The following CHRM3 variants were observed in gnomAD, a reference collection of about 807,000 sequenced individuals.
CHRM3 encodes the protein cholinergic receptor muscarinic 3, also known as muscarinic acetylcholine receptor M3.
In CHRM3, 11 loss-of-function variants were observed where a neutral mutation model predicts 41.8. That is an observed-to-expected ratio of 0.26 (90% CI 0.17 to 0.44). The LOEUF is 0.44. CHRM3 is among the 20% of genes least tolerant of loss of function. The probability of loss-of-function intolerance (pLI) is 1.00; values close to 1 mark genes in which losing one functional copy is unlikely to be tolerated. For missense variants in CHRM3, 571 were observed against 745.4 expected, an observed-to-expected ratio of 0.77 and a Z score of 2.72; for synonymous variants, 297 against 301.4, an observed-to-expected ratio of 0.99 and a Z score of 0.15.
At chr1:239,727,928 C>T (rs980829682) in intron 5 of CHRM3, 14 of 151,842 alleles carry the variant, frequency 9.2e-5, no homozygotes, top group African/African-American at 2.7e-4. Context: ...TGAGCTTTTC[C>T]AAGATTACAC....
chr1:239,788,044 G>T (rs2148842205), intron 5 of CHRM3, among the ~76,000 whole-genome samples: 1 of 152,150 alleles, frequency 6.6e-6, no homozygotes, highest in Non-Finnish European at 1.5e-5. Flanking sequence ...AGACTAGCCT[G>T]GGCAACATAA....
chr1:239,390,078 T>C (rs370335506), intron 1 of CHRM3, among the ~76,000 whole-genome samples: 12 of 152,340 alleles, frequency 7.9e-5, no homozygotes, highest in Admixed American at 5.9e-4. Context: ...AGTGAGTAAC[T>C]AGAGATGTTG....
intron 1 of CHRM3, among the ~76,000 whole-genome samples, chr1:239,426,470 A>C (rs1368180742): frequency 1.6e-5 from 1 of 60,776 alleles, no homozygotes; most frequent in South Asian, 6.5e-4. Context: ...TCACCCCGCA[A>C]AAAAAAAAAA....
chr1:239,509,149 T>C (rs968365847), intron 2 of CHRM3, among the ~76,000 whole-genome samples: 1 of 152,216 alleles, frequency 6.6e-6, no homozygotes, highest in Non-Finnish European at 1.5e-5. Context: ...GCTAGTATTT[T>C]ACTTTCTTGA....
At position 239,913,874 on chromosome 1, in the gene CHRM3, A is replaced by C. The variant is rs1309859163; in HGVS notation, c.*4650A>C. ...GTATTTGGATATATGGAAGTCATCC[A>C]AATGCGTTGCTAGAATATCAGGCCT... On this transcript the variant is annotated 3_prime_UTR_variant, in exon 7 of 7. Transcript: ENST00000676153. 1 of 167,092 alleles carries C rather than the reference A, an allele frequency of 6.0e-6. No homozygotes were observed. Among genetic ancestry groups the C allele is most frequent in the Non-Finnish European group, 1.5e-5 (1 of 68,120 alleles). 10.4% of individuals were successfully genotyped at this position (167,092 alleles called of 1,614,324 possible). A position where few individuals can be genotyped will look rare whatever the true frequency, so the allele number is the denominator to read the frequency against.
chr1:239,744,586 C>A (rs546520580), intron 5 of CHRM3, among the ~76,000 whole-genome samples: 1 of 152,078 alleles, frequency 6.6e-6, no homozygotes, highest in Non-Finnish European at 1.5e-5. Context: ...TCAGGTCAGC[C>A]GGGCAGGGCA....
chr1:239,907,360 C>A lies in CHRM3; in HGVS notation c.-19-73C>A, dbSNP rs559507342. On this transcript the variant is annotated intron_variant, in intron 6 of 6. Coordinates refer to ENST00000676153, the MANE Select transcript of CHRM3 (RefSeq NM_001375978.1). This position sits in a 1 kb window ranked among gnomAD's most constrained non-coding sequence, Gnocchi z 5.4. Reference sequence around the variant, plus strand: ...GTAATAGGCCTTCCATGTCTTTTAACGTATGTAATGCAAAGAACAAACAAA... The same window carrying A: ...GTAATAGGCCTTCCATGTCTTTTAAAGTATGTAATGCAAAGAACAAACAAA... 2.6e-6 allele frequency: 3 copies of A among 1,146,320 alleles called. No individual in the cohort carries two copies. Among genetic ancestry groups the A allele is most frequent in the African/African-American group, 3.1e-5 (2 of 64,504 alleles). 71.0% of individuals were successfully genotyped at this position (1,146,320 alleles called of 1,614,324 possible).
chr1:239,676,140 A>C (rs150289053), intron 4 of CHRM3, among the ~76,000 whole-genome samples: 1 of 152,208 alleles, frequency 6.6e-6, no homozygotes, highest in Non-Finnish European at 1.5e-5. Context: ...TCTTGTCAGC[A>C]TCAAAGACCC....
chr1:239,770,213 C>T (rs956966765), intron 5 of CHRM3, among the ~76,000 whole-genome samples: 5 of 152,188 alleles, frequency 3.3e-5, no homozygotes, highest in South Asian at 2.1e-4. Context: ...CTAAAATTCA[C>T]GGGACGTAGG....
chr1:239,543,492 A>T (rs1658978241), intron 2 of CHRM3, among the ~76,000 whole-genome samples: 1 of 151,870 alleles, frequency 6.6e-6, no homozygotes, highest in African/African-American at 2.4e-5. Flanking sequence ...CTAGACCAGA[A>T]ATCAGCAACC....
intron 5 of CHRM3, among the ~76,000 whole-genome samples, chr1:239,813,956 C>A (rs1281924851): frequency 6.6e-6 from 1 of 150,502 alleles, no homozygotes; most frequent in Non-Finnish European, 1.5e-5. Context: ...AGACTGCCTT[C>A]CTATTGATGA....
At chr1:239,595,784 G>A (rs1315421203) in intron 3 of CHRM3, among the ~76,000 whole-genome samples, 5 of 152,040 alleles carry the variant, frequency 3.3e-5, no homozygotes, top group African/African-American at 1.2e-4. Flanking sequence ...TATACCAGGG[G>A]AATATATTCT....
intron 3 of CHRM3, among the ~76,000 whole-genome samples, chr1:239,555,440 G>T (rs1467648585): frequency 6.6e-6 from 1 of 152,176 alleles, no homozygotes; most frequent in African/African-American, 2.4e-5. Flanking sequence ...GAGGTAGAAG[G>T]TGGGACTCTG....
Position 239,896,388 on chromosome 1 carries a change from A to G in CHRM3, c.-19-11045A>G, listed in dbSNP as rs150293727. Among the ~76,000 whole-genome samples, 101 of 152,360 alleles carry G rather than the reference A, an allele frequency of 6.6e-4. 1 individual carries two copies. Among genetic ancestry groups the G allele is most frequent in the African/African-American group, 1.6e-3 (67 of 41,582 alleles). ...TGGCATTGCCAACAAGTGGTTTTCC[A>G]GAACAAGAACCACATCCCCAGTCTA... On this transcript the variant is annotated intron_variant, in intron 6 of 6. Transcript: ENST00000676153.
intron 1 of CHRM3, among the ~76,000 whole-genome samples, chr1:239,483,148 TG>T (rs2148013547): frequency 6.6e-6 from 1 of 152,358 alleles, no homozygotes; most frequent in East Asian, 1.9e-4. Context: ...TTAACAGTCT[TG>T]ATAAAGTGTT....
intron 1 of CHRM3, among the ~76,000 whole-genome samples, chr1:239,474,895 CTG>C (rs1178537378): frequency 2.0e-5 from 3 of 151,996 alleles, no homozygotes; most frequent in Non-Finnish European, 4.4e-5. Flanking sequence ...TAATAGTAGA[CTG>C]TGTTTACATC....
At chr1:239,875,957 G>C (rs1677076868) in intron 6 of CHRM3, among the ~76,000 whole-genome samples, 1 of 152,150 alleles carries the variant, frequency 6.6e-6, no homozygotes, top group Non-Finnish European at 1.5e-5. Context: ...AAATGTTGTA[G>C]GAGAAGGAAA....
intron 2 of CHRM3, among the ~76,000 whole-genome samples, chr1:239,507,312 T>TC (rs1466542276): frequency 1.3e-5 from 2 of 152,150 alleles, no homozygotes; most frequent in African/African-American, 4.8e-5. Flanking sequence ...GGCAGGTCTT[T>TC]CCCATGCTGT....
intron 5 of CHRM3, among the ~76,000 whole-genome samples, chr1:239,743,788 C>CTTTTT (rs10718514): frequency 6.4e-4 from 52 of 81,186 alleles, no homozygotes; most frequent in Non-Finnish European, 8.0e-4. Flanking sequence ...TTTTTTTTTT[C>CTTTTT]TTTTTTTTTT....
Sources: gnomAD v4.1 joint callset for allele counts (sites outside exome capture counted in the v4.1 genomes callset) on GRCh38, gnomAD v4.1.1 for gene constraint, Gnocchi (gnomAD v3.1) non-coding constraint, MANE v1.5 for transcripts, NCBI Gene and HGNC (gene_info 2026-07-23, HGNC 2026-07-21) for gene names.